Variants in ADAMTS19 observed in about 807,000 individuals in gnomAD.
ADAMTS19 encodes the protein ADAM metallopeptidase with thrombospondin type 1 motif 19, also known as A disintegrin and metalloproteinase with thrombospondin motifs 19.
In ADAMTS19, 93 loss-of-function variants were observed where a neutral mutation model predicts 153.3. That is an observed-to-expected ratio of 0.61 (90% confidence interval 0.51 to 0.72). ADAMTS19 has a LOEUF of 0.72. Ranked by LOEUF, ADAMTS19 falls within the 30% of genes least tolerant of loss-of-function variation. ADAMTS19 has a pLI of 0.00. For synonymous variants in ADAMTS19, 600 were observed against 556.6 expected, an observed-to-expected ratio of 1.08 and a Z score of -1.10; for missense variants, 1,482 against 1,552.1, an observed-to-expected ratio of 0.95 and a Z score of 0.76.
At chr5:129,470,090 C>T (rs1406784690) in intron 2 of ADAMTS19, among the ~76,000 whole-genome samples, 1 of 152,022 alleles carries the variant, frequency 6.6e-6, no homozygotes, top group Admixed American at 6.6e-5. Flanking sequence ...GAGACATGGG[C>T]CAATTTTGTG....
At chr5:129,608,583 G>A (rs73785219) in intron 8 of ADAMTS19, among the ~76,000 whole-genome samples, 8,876 of 152,152 alleles carry the variant, frequency 0.058, 511 homozygotes, top group African/African-American at 0.16. Flanking sequence ...TAAGAAGAGA[G>A]GATATGCTCT....
intron 7 of ADAMTS19, among the ~76,000 whole-genome samples, chr5:129,587,032 T>C (rs1435404983): frequency 1.3e-5 from 2 of 149,880 alleles, no homozygotes; most frequent in Admixed American, 1.3e-4. Flanking sequence ...CTAATTATTT[T>C]CTTCTCTGTT....
At chr5:129,597,522 G>C (rs150517477) in intron 8 of ADAMTS19, among the ~76,000 whole-genome samples, 1 of 152,220 alleles carries the variant, frequency 6.6e-6, no homozygotes, top group South Asian at 2.1e-4. Flanking sequence ...TAGATTCCTC[G>C]TCAGTGAATC....
rs562975783 is a variant in ADAMTS19, at chr5:129,721,120, C to T, written c.3313-13812C>T. On this transcript the variant is annotated intron_variant, in intron 21 of 22. Coordinates refer to ENST00000274487, the MANE Select transcript of ADAMTS19 (RefSeq NM_133638.6). The stretch of plus-strand genomic sequence containing the variant: ...TTGTGTAGCCCCTTTGAATTAAACA[C>T]GTTTTACTTATTTCAGTATATTTCA... 5.3e-5 allele frequency among the ~76,000 whole-genome samples: 8 copies of T among 152,226 alleles called. No individual in the cohort carries two copies. In the South Asian group the frequency reaches 1.0e-3, roughly 20 times the overall value.
chr5:129,656,337 C>T (rs1284285563), intron 14 of ADAMTS19, among the ~76,000 whole-genome samples: 2 of 152,180 alleles, frequency 1.3e-5, no homozygotes, highest in Non-Finnish European at 2.9e-5. Flanking sequence ...AAACATGCCT[C>T]TTTAGTTTTT....
At chr5:129,494,842 C>A (rs1415418504) in intron 2 of ADAMTS19, among the ~76,000 whole-genome samples, 2 of 152,068 alleles carry the variant, frequency 1.3e-5, no homozygotes, top group Non-Finnish European at 2.9e-5. Context: ...GTTCTACCTT[C>A]AGAGTTTATC....
chr5:129,517,969 G>T (rs1017579097), intron 3 of ADAMTS19, among the ~76,000 whole-genome samples: 2 of 151,780 alleles, frequency 1.3e-5, no homozygotes, highest in African/African-American at 2.4e-5. Context: ...ATGTTTTTGG[G>T]TTTGAGGTTA....
At chr5:129,683,826 G>A (rs1039694440) in intron 17 of ADAMTS19, among the ~76,000 whole-genome samples, 1 of 149,856 alleles carries the variant, frequency 6.7e-6, no homozygotes, top group Admixed American at 6.7e-5. Flanking sequence ...CAAATTGAAA[G>A]AAAATGATCT....
At chr5:129,559,755 A>G (rs1753434772) in intron 7 of ADAMTS19, among the ~76,000 whole-genome samples, 2 of 152,208 alleles carry the variant, frequency 1.3e-5, no homozygotes, top group Non-Finnish European at 2.9e-5. Flanking sequence ...AGGAATATAA[A>G]GCTCTTAAAA....
intron 7 of ADAMTS19, among the ~76,000 whole-genome samples, chr5:129,559,947 A>G (rs2126839417): frequency 6.6e-6 from 1 of 152,262 alleles, no homozygotes; most frequent in South Asian, 2.1e-4. Flanking sequence ...CCAGTTCTCT[A>G]TCCTAATCTT....
intron 8 of ADAMTS19, among the ~76,000 whole-genome samples, chr5:129,619,987 A>T (rs1013444231): frequency 6.6e-6 from 1 of 152,072 alleles, no homozygotes; most frequent in African/African-American, 2.4e-5. Context: ...TGAAAGAGAA[A>T]GTAAGAAAGG....
At position 129,623,434 on chromosome 5, in the gene ADAMTS19, G is replaced by C. The variant is rs17165208; in HGVS notation, c.1770+1086G>C. Among the ~76,000 whole-genome samples, 937 of 152,102 alleles carry C rather than the reference G, an allele frequency of 6.2e-3. 13 individuals are homozygous for C. The highest frequency in any genetic ancestry group is 0.022 in the African/African-American group (893 of 41,496). On this transcript the variant is annotated intron_variant, in intron 10 of 22. Transcript: ENST00000274487. ...CTGATAACCACACTGAGAGTAAATT[G>C]GTTAAGTATCGCTGAAACATAGCCT...
chr5:129,709,562 T>C (rs938439837), intron 21 of ADAMTS19, among the ~76,000 whole-genome samples: 1 of 152,180 alleles, frequency 6.6e-6, no homozygotes, highest in Non-Finnish European at 1.5e-5. Flanking sequence ...ACAAATTAAT[T>C]AGTTATGCCA....
intron 12 of ADAMTS19, among the ~76,000 whole-genome samples, chr5:129,648,346 G>A (rs1327489543): frequency 1.3e-5 from 2 of 152,174 alleles, no homozygotes; most frequent in Non-Finnish European, 1.5e-5. Flanking sequence ...ATTATTCCTA[G>A]AGGAATTCTA....
intron 7 of ADAMTS19, among the ~76,000 whole-genome samples, chr5:129,584,584 A>C (rs961923981): frequency 2.0e-5 from 3 of 152,176 alleles, no homozygotes; most frequent in Non-Finnish European, 2.9e-5. Flanking sequence ...TCTTTCAGAG[A>C]TGCCCTGCCT....
chr5:129,526,166 C>A, intron 3 of ADAMTS19, 118 bp from the exon 4 acceptor site: 1 of 785,420 alleles, frequency 1.3e-6, no homozygotes, highest in Non-Finnish European at 1.9e-6. Context: ...AGCCAAATGC[C>A]CTTTAAGATT....
intron 11 of ADAMTS19, among the ~76,000 whole-genome samples, chr5:129,643,367 C>CAAAAAA (rs556007087): frequency 9.5e-3 from 378 of 39,826 alleles, no homozygotes; most frequent in Middle Eastern, 0.024. Flanking sequence ...GTTTCAAAGA[C>CAAAAAA]AAAAAAAAAA....
At chr5:129,554,039 T>C (rs1172433100) in intron 7 of ADAMTS19, among the ~76,000 whole-genome samples, 7 of 152,124 alleles carry the variant, frequency 4.6e-5, no homozygotes, top group African/African-American at 1.7e-4. Flanking sequence ...TACATAGCAC[T>C]TATCTTGTAA....
At chr5:129,642,495 A>T (rs1752836472) in intron 11 of ADAMTS19, among the ~76,000 whole-genome samples, 1 of 152,138 alleles carries the variant, frequency 6.6e-6, no homozygotes, top group African/African-American at 2.4e-5. Context: ...ACATTTCCAG[A>T]TCTAAATAAC....
Sources: gnomAD v4.1 joint callset for allele counts (sites outside exome capture counted in the v4.1 genomes callset) on GRCh38, gnomAD v4.1.1 for gene constraint, MANE v1.5 for transcripts, NCBI Gene and HGNC (gene_info 2026-07-23, HGNC 2026-07-21) for gene names.